TET3: variants seen among roughly 807,000 people sequenced by gnomAD.
TET3 encodes methylcytosine dioxygenase TET3.
TET3 carries 19 observed loss-of-function variants against 141.4 expected under a neutral mutation model. The ratio of observed to expected loss-of-function variants is 0.13; its 90% confidence interval spans 0.09 to 0.20. TET3 has a LOEUF of 0.20. Ranked by LOEUF, TET3 falls within the 10% of genes least tolerant of loss-of-function variation. The pLI is 1.00. For synonymous variants in TET3, 1,043 were observed against 980.9 expected (o/e 1.06, Z -1.18); for missense variants, 1,874 against 2,356.9 (o/e 0.80, Z 4.24).
intron 3 of TET3, among the ~76,000 whole-genome samples, chr2:74,032,183 CT>C (rs1486182159): frequency 6.6e-6 from 1 of 152,144 alleles, no homozygotes; most frequent in African/African-American, 2.4e-5. Context: ...GGATTGGGGG[CT>C]TCTTTAGGGA....
intron 4 of TET3, among the ~76,000 whole-genome samples, chr2:74,061,472 C>T (rs1380772692): frequency 3.6e-5 from 5 of 138,068 alleles, no homozygotes; most frequent in Non-Finnish European, 6.0e-5. Flanking sequence ...GGGGGACTGA[C>T]CCCCCCACCT....
chr2:74,029,202 T>C (rs1413574083), intron 3 of TET3, among the ~76,000 whole-genome samples: 1 of 152,194 alleles, frequency 6.6e-6, no homozygotes, highest in East Asian at 1.9e-4. Context: ...GTGAGTAAAA[T>C]CCTACCCCTA....
chr2:74,100,872 C>A lies in TET3; in HGVS notation c.4084C>A (p.Pro1362Thr). The change falls in exon 12 of 12, where the codon CCA becomes ACA. Residue 1362 changes from proline (P) to threonine (T), a missense_variant. By Grantham distance (38) the Pro-to-Thr change is conservative (BLOSUM62 -1). Coordinates refer to ENST00000409262, the MANE Select transcript of TET3 (RefSeq NM_001287491.2). The stretch of plus-strand genomic sequence containing the variant: ...TCCTCACCACCAGCAGCCTGCGTAC[C>A]CAGGCCCCAAGGAGTATCTGCTTCC... ...PTPHHQQPAY[P>T]GPKEYLLPKA... The A allele has an allele frequency of 6.2e-7, 1 of 1,611,002 alleles. No homozygotes were observed. Among genetic ancestry groups the A allele is most frequent in the Non-Finnish European group, 8.5e-7 (1 of 1,178,774 alleles).
At position 74,106,525 on chromosome 2, in the gene TET3, G is replaced by A. The variant is rs1282456679; in HGVS notation, c.*4349G>A. ...TCCCCTGGCACTGGCTGGGACCATG[G>A]TGGGCAGGGGCTTCATTCTCTGACC... On this transcript the variant is annotated 3_prime_UTR_variant, in exon 12 of 12. Coordinates refer to ENST00000409262, the MANE Select transcript of TET3 (RefSeq NM_001287491.2). The A allele has an allele frequency of 6.5e-6, 1 of 153,794 alleles. No individual in the cohort carries two copies. The highest frequency in any genetic ancestry group is 2.4e-5 in the African/African-American group (1 of 41,448). 9.5% of individuals were successfully genotyped at this position (153,794 alleles called of 1,614,324 possible).
At chr2:74,111,159 G>A (rs1337500873), downstream of TET3, among the ~76,000 whole-genome samples, 2 of 152,056 alleles carry the variant, frequency 1.3e-5, no homozygotes, top group African/African-American at 4.8e-5. Context: ...CCTTTCATGA[G>A]CCCCTTTGTG....
downstream of TET3, among the ~76,000 whole-genome samples, chr2:74,112,134 A>C (rs989425677): frequency 6.6e-6 from 1 of 152,144 alleles, no homozygotes; most frequent in African/African-American, 2.4e-5. Flanking sequence ...ATACTCCTCG[A>C]TACTCCCCAT....
At chr2:73,992,911 CA>C (rs1295836500) in intron 2 of TET3, among the ~76,000 whole-genome samples, 26 of 152,172 alleles carry the variant, frequency 1.7e-4, no homozygotes, top group Non-Finnish European at 3.7e-4. Context: ...GGCAAATGAA[CA>C]GATCTAGATT....
chr2:74,092,826 A>G, intron 8 of TET3, 76 bp from the exon 9 acceptor site: 1 of 1,292,442 alleles, frequency 7.7e-7, no homozygotes, highest in Non-Finnish European at 1.1e-6. Flanking sequence ...TGCTTCAGGA[A>G]TGCCAGTCCA....
intron 3 of TET3, among the ~76,000 whole-genome samples, chr2:74,028,157 TA>T (rs1232162119): frequency 2.0e-5 from 3 of 150,156 alleles, no homozygotes; most frequent in Non-Finnish European, 1.5e-5. Flanking sequence ...TGCCTAATTT[TA>T]AAAAAAAAAT....
intron 3 of TET3, among the ~76,000 whole-genome samples, chr2:74,005,953 C>A (rs1274482171): frequency 6.6e-6 from 1 of 152,162 alleles, no homozygotes; most frequent in Non-Finnish European, 1.5e-5. Context: ...ACCGGGCCGC[C>A]CTGCTTTCAA....
chr2:74,075,215 C>T (rs1012410746), intron 5 of TET3, among the ~76,000 whole-genome samples: 1 of 151,462 alleles, frequency 6.6e-6, no homozygotes, highest in South Asian at 2.1e-4. Context: ...TAGACATAAG[C>T]ATATGCTTGC....
chr2:74,125,728 T>C, the TET3 span, among the ~76,000 whole-genome samples: 1 of 151,768 alleles, frequency 6.6e-6, no homozygotes, highest in Non-Finnish European at 1.5e-5. Context: ...AGAGATGAGG[T>C]CTCACTGTGT....
In TET3 at chr2:73,986,445, G is replaced by A; in HGVS notation, c.42G>A (p.Leu14=). ...FQVPLAVQPD[L]PGLYDFPQRQ... Reference sequence around the variant, plus strand: ...TGCCCCTGGCCGTCCAGCCGGACCTGCCAGGCCTTTATGACTTCCCTCAGC... The same window carrying A: ...TGCCCCTGGCCGTCCAGCCGGACCTACCAGGCCTTTATGACTTCCCTCAGC... The change falls in exon 2 of 12, where the codon CTG becomes CTA. Residue 14 remains leucine (L), a synonymous_variant. Transcript: ENST00000409262. 1 of 1,232,294 alleles carries A rather than the reference G, an allele frequency of 8.1e-7. No homozygotes were observed. Among genetic ancestry groups the A allele is most frequent in the Non-Finnish European group, 1.0e-6 (1 of 988,106 alleles). The allele number at this position is 1,232,294 out of a possible 1,614,324, so 76.3% of individuals were successfully genotyped here.
the TET3 span, among the ~76,000 whole-genome samples, chr2:74,113,836 G>A: frequency 0.29 from 43,618 of 151,824 alleles, 6,549 homozygotes; most frequent in East Asian, 0.49. Flanking sequence ...TCCCATGCTC[G>A]CAGATTTGGA....
At chr2:74,028,197 C>T (rs1425485069) in intron 3 of TET3, among the ~76,000 whole-genome samples, 1 of 151,662 alleles carries the variant, frequency 6.6e-6, no homozygotes, top group Non-Finnish European at 1.5e-5. Flanking sequence ...TGCTTTGTTG[C>T]CTGGGCTGGT....
intron 2 of TET3, among the ~76,000 whole-genome samples, chr2:73,991,805 C>CAAAAAAA (rs772400180): frequency 2.5e-5 from 2 of 79,604 alleles, no homozygotes; most frequent in African/African-American, 9.4e-5. Flanking sequence ...AACTCTGTCT[C>CAAAAAAA]AAAAAAAAAA....
intron 2 of TET3, among the ~76,000 whole-genome samples, chr2:73,988,818 T>A (rs1389356850): frequency 2.0e-5 from 3 of 152,262 alleles, no homozygotes. Context: ...AGAGCAGTAC[T>A]TTTTTTCTAA....
chr2:74,109,133 G>A (rs80061712), downstream of TET3, among the ~76,000 whole-genome samples: 548 of 152,234 alleles, frequency 3.6e-3, 15 homozygotes, highest in East Asian at 0.07. Flanking sequence ...CTTCCTGAGC[G>A]CCTGTCATGA....
chr2:74,070,663 T>A (rs921107228), intron 4 of TET3, among the ~76,000 whole-genome samples: 3 of 152,188 alleles, frequency 2.0e-5, no homozygotes, highest in Non-Finnish European at 4.4e-5. Flanking sequence ...GGGTTGTGTC[T>A]TTATTTGGAC....
Sources: gnomAD v4.1 joint callset for allele counts (sites outside exome capture counted in the v4.1 genomes callset) on GRCh38, gnomAD v4.1.1 for gene constraint, MANE v1.5 for transcripts, NCBI Gene and HGNC (gene_info 2026-07-23, HGNC 2026-07-21) for gene names.